The following DCLK1 variants were observed in gnomAD, a reference collection of about 807,000 sequenced individuals.
DCLK1 encodes serine/threonine-protein kinase DCLK1.
In DCLK1, 16 loss-of-function variants were observed where a neutral mutation model predicts 86.2. That is an observed-to-expected ratio of 0.19 (90% CI 0.13 to 0.28). The LOEUF (loss-of-function observed/expected upper bound fraction) is 0.28. Ranked by LOEUF, DCLK1 falls within the 10% of genes least tolerant of loss-of-function variation. DCLK1 has a pLI of 1.00. For synonymous variants in DCLK1, 369 were observed against 370.5 expected (o/e 1.00, Z 0.05); for missense variants, 590 against 940.2 (o/e 0.63, Z 4.87).
At chr13:36,085,720 C>T (rs1379799012) in intron 3 of DCLK1, among the ~76,000 whole-genome samples, 1 of 152,092 alleles carries the variant, frequency 6.6e-6, no homozygotes, top group African/African-American at 2.4e-5. Flanking sequence ...GAGAGAATAC[C>T]AGTCTGCCAT....
At chr13:35,843,852 G>A (rs1314579444) in intron 6 of DCLK1, among the ~76,000 whole-genome samples, 1 of 152,108 alleles carries the variant, frequency 6.6e-6, no homozygotes, top group Non-Finnish European at 1.5e-5. Context: ...GGAAACACAA[G>A]CAATACATTT....
intron 3 of DCLK1, among the ~76,000 whole-genome samples, chr13:36,089,156 T>A (rs1158644927): frequency 2.0e-5 from 3 of 152,250 alleles, no homozygotes; most frequent in African/African-American, 7.2e-5. Context: ...GAAGCGGTTT[T>A]AATTTTTTTT....
At chr13:36,118,661 T>C (rs1367818431) in intron 2 of DCLK1, among the ~76,000 whole-genome samples, 1 of 152,102 alleles carries the variant, frequency 6.6e-6, no homozygotes, top group African/African-American at 2.4e-5. Context: ...CAACCGAATT[T>C]GATGATAGCC....
At chr13:35,851,473 T>C (rs893156766) in intron 6 of DCLK1, among the ~76,000 whole-genome samples, 12 of 151,932 alleles carry the variant, frequency 7.9e-5, no homozygotes, top group Admixed American at 6.6e-5. Context: ...TTTTCTCCGG[T>C]TTTGTACCAC....
chr13:35,862,511 A>T (rs1485572258), intron 5 of DCLK1, among the ~76,000 whole-genome samples: 5 of 152,100 alleles, frequency 3.3e-5, no homozygotes, highest in Non-Finnish European at 1.5e-5. Flanking sequence ...TTCCACCGCC[A>T]TGCCACTGTT....
intron 5 of DCLK1, chr13:35,869,075 G>C (rs748607507): frequency 6.0e-6 from 3 of 503,024 alleles, no homozygotes; most frequent in Non-Finnish European, 1.2e-5. Context: ...ACAGGTATGA[G>C]CCACCAGGCC....
At chr13:35,867,848 G>GAAGAAAGAAAGAAAGAAGGAAAGAAAGA (rs1263617136) in intron 5 of DCLK1, among the ~76,000 whole-genome samples, 2,218 of 126,218 alleles carry the variant, frequency 0.018, 145 homozygotes, top group African/African-American at 0.058. Context: ...CTTAAAGGGA[G>GAAGAAAGAAAGAAAGAAGGAAAGAAAGA]AAGAAAGAAA....
intron 4 of DCLK1, among the ~76,000 whole-genome samples, chr13:35,929,877 T>TA (rs1555350833): frequency 2.0e-5 from 3 of 151,236 alleles, no homozygotes; most frequent in Non-Finnish European, 2.9e-5. Flanking sequence ...TTTTTTTTTT[T>TA]ACTAAAAGCT....
At chr13:36,025,929 C>A (rs1341361106) in intron 3 of DCLK1, among the ~76,000 whole-genome samples, 1 of 151,728 alleles carries the variant, frequency 6.6e-6, no homozygotes, top group Non-Finnish European at 1.5e-5. Context: ...GTATCTAAGT[C>A]AGAGATAATT....
At chr13:36,084,570 T>C (rs973646977) in intron 3 of DCLK1, among the ~76,000 whole-genome samples, 1 of 152,208 alleles carries the variant, frequency 6.6e-6, no homozygotes, top group African/African-American at 2.4e-5. Flanking sequence ...GATCTGGAAA[T>C]AGTCATTCTA....
chr13:35,983,107 G>A (rs1258939921), intron 3 of DCLK1, among the ~76,000 whole-genome samples: 1 of 151,674 alleles, frequency 6.6e-6, no homozygotes, highest in Non-Finnish European at 1.5e-5. Flanking sequence ...GCTTCCTGTA[G>A]GGTCCAGAAC....
chr13:35,971,419 C>T (rs1442782219), intron 3 of DCLK1, among the ~76,000 whole-genome samples: 1 of 152,148 alleles, frequency 6.6e-6, no homozygotes, highest in African/African-American at 2.4e-5. Flanking sequence ...TGACACTCCC[C>T]TGAGAAATGA....
At chr13:35,955,062 T>C (rs975252287) in intron 3 of DCLK1, among the ~76,000 whole-genome samples, 1 of 152,158 alleles carries the variant, frequency 6.6e-6, no homozygotes, top group Non-Finnish European at 1.5e-5. Context: ...ACATCAGCTA[T>C]TGCAGCCTTC....
Position 35,847,517 on chromosome 13 carries a change from C to T in DCLK1, c.1035+6982G>A, listed in dbSNP as rs917687558. The T allele has an allele frequency of 3.9e-5, 38 of 984,864 alleles. No homozygotes were observed. In the African/African-American group the frequency reaches 6.7e-4, roughly 17 times the overall value. The allele number at this position is 984,864 out of a possible 1,614,324, so 61.0% of individuals were successfully genotyped here. Reference sequence around the variant, plus strand: ...ATATGGCCACATATGAAAAATTTAGCAGTCCAAGAATTAAAATATGTGGAA... The same window carrying T: ...ATATGGCCACATATGAAAAATTTAGTAGTCCAAGAATTAAAATATGTGGAA... On this transcript the variant is annotated intron_variant, in intron 6 of 16. Coordinates refer to ENST00000360631, the MANE Select transcript of DCLK1 (RefSeq NM_001330071.2).
At chr13:36,074,087 A>G (rs981088887) in intron 3 of DCLK1, among the ~76,000 whole-genome samples, 4 of 152,210 alleles carry the variant, frequency 2.6e-5, no homozygotes, top group African/African-American at 9.6e-5. Context: ...TAGAAAATGT[A>G]CATCAGACAC....
chr13:36,115,452 A>G (rs1244789717), intron 2 of DCLK1, among the ~76,000 whole-genome samples: 1 of 152,184 alleles, frequency 6.6e-6, no homozygotes, highest in Admixed American at 6.5e-5. Flanking sequence ...ATGATTGCAA[A>G]GCTCTTAGCG....
intron 3 of DCLK1, among the ~76,000 whole-genome samples, chr13:36,002,082 A>G (rs1880746979): frequency 6.6e-6 from 1 of 152,192 alleles, no homozygotes; most frequent in South Asian, 2.1e-4. Flanking sequence ...GGTAAAACAT[A>G]TGATAAAAAA....
At chr13:36,002,415 C>G (rs769154382) in intron 3 of DCLK1, among the ~76,000 whole-genome samples, 24 of 151,976 alleles carry the variant, frequency 1.6e-4, no homozygotes, top group Non-Finnish European at 3.1e-4. Flanking sequence ...CTAAAATAAC[C>G]CTTACAGCTA....
intron 3 of DCLK1, among the ~76,000 whole-genome samples, chr13:36,103,437 A>G (rs1885290631): frequency 6.6e-6 from 1 of 151,746 alleles, no homozygotes; most frequent in Admixed American, 6.6e-5. Flanking sequence ...CAAAGGAAAA[A>G]AGACCGAAAT....
Sources: allele counts gnomAD v4.1 joint callset (sites outside exome capture counted in the v4.1 genomes callset), GRCh38; gene constraint gnomAD v4.1.1; transcripts MANE v1.5; gene names NCBI Gene and HGNC (gene_info 2026-07-23, HGNC 2026-07-21).